Variants in EREG observed in about 807,000 individuals in gnomAD.
The protein encoded by EREG is epiregulin, also known as proepiregulin.
EREG carries 23 observed loss-of-function variants against 22.4 expected under a neutral mutation model. The observed-to-expected ratio is 1.03, with a 90% CI of 0.74 to 1.46. EREG has a LOEUF of 1.46. EREG is among the 40% of genes most tolerant of loss of function. The pLI is 0.00. For synonymous variants in EREG, 100 were observed against 75.4 expected (o/e 1.33, Z -1.69); for missense variants, 226 against 205.9 (o/e 1.10, Z -0.60).
intron 3 of EREG, 51 bp from the exon 4 acceptor site, chr4:74,382,594 T>G: frequency 1.0e-5 from 15 of 1,462,672 alleles, no homozygotes; most frequent in Non-Finnish European, 1.3e-5. Flanking sequence ...TTCATAACCA[T>G]GATTTCCTTT....
intron 3 of EREG, 184 bp downstream of exon 3, chr4:74,381,321 A>C: frequency 1.9e-6 from 1 of 516,344 alleles, no homozygotes; most frequent in Non-Finnish European, 3.4e-6. Context: ...ACCCCCCCAA[A>C]ACTCTTCTAC....
chr4:74,365,665 CTTTT>C (rs370338402), intron 1 of EREG, among the ~76,000 whole-genome samples: 2 of 139,120 alleles, frequency 1.4e-5, no homozygotes, highest in Admixed American at 7.2e-5. Flanking sequence ...GTTGAAAAAG[CTTTT>C]TTTTTTTTTT....
chr4:74,373,736 G>A (rs1449462053), intron 1 of EREG, among the ~76,000 whole-genome samples: 1 of 148,362 alleles, frequency 6.7e-6, no homozygotes, highest in Non-Finnish European at 1.5e-5. Context: ...ATATACGTGT[G>A]CGTATATATA....
intron 1 of EREG, among the ~76,000 whole-genome samples, chr4:74,375,306 CTTTTTTTTTTTTTTT>C (rs71219383): frequency 1.6e-5 from 1 of 61,014 alleles, no homozygotes; most frequent in African/African-American, 7.2e-5. Context: ...ACTAGCGATT[CTTTTTTTTTTTTTTT>C]TTTTTTTTTT....
At chr4:74,367,640 G>A (rs1228215085) in intron 1 of EREG, among the ~76,000 whole-genome samples, 2 of 152,120 alleles carry the variant, frequency 1.3e-5, no homozygotes, top group African/African-American at 4.8e-5. Flanking sequence ...TTGAAAATAT[G>A]AGGAGCATAA....
intron 1 of EREG, among the ~76,000 whole-genome samples, chr4:74,367,230 A>C (rs969452028): frequency 6.6e-6 from 1 of 152,180 alleles, no homozygotes; most frequent in Non-Finnish European, 1.5e-5. Flanking sequence ...TAAATTTTAC[A>C]CTTGTTTAAT....
intron 1 of EREG, among the ~76,000 whole-genome samples, chr4:74,368,698 A>G (rs1752241504): frequency 2.0e-5 from 3 of 152,224 alleles, no homozygotes; most frequent in African/African-American, 7.2e-5. Context: ...ATCCTCTTCA[A>G]AGAGAATGTA....
intron 1 of EREG, among the ~76,000 whole-genome samples, chr4:74,378,441 T>C (rs562230768): frequency 6.6e-6 from 1 of 152,282 alleles, no homozygotes; most frequent in South Asian, 2.1e-4. Context: ...ACGGTAGGTA[T>C]TATTCATTTC....
At chr4:74,371,285 A>C (rs1752285846) in intron 1 of EREG, among the ~76,000 whole-genome samples, 1 of 152,194 alleles carries the variant, frequency 6.6e-6, no homozygotes. Context: ...ATTAATTTTA[A>C]TGATAATCTG....
chr4:74,368,218 C>T (rs559704307), intron 1 of EREG, among the ~76,000 whole-genome samples: 2 of 152,186 alleles, frequency 1.3e-5, no homozygotes, highest in South Asian at 2.1e-4. Context: ...CTTTCTGACT[C>T]TGTGCAAAAT....
chr4:74,380,817 T>C (rs1049908611), intron 2 of EREG, among the ~76,000 whole-genome samples, 197 bp from the exon 3 acceptor site: 1 of 152,242 alleles, frequency 6.6e-6, no homozygotes, highest in African/African-American at 2.4e-5. Flanking sequence ...TTGGACATTT[T>C]CCTTTGGATT....
intron 4 of EREG, among the ~76,000 whole-genome samples, chr4:74,383,846 T>C (rs1752523014): frequency 6.6e-6 from 1 of 152,188 alleles, no homozygotes; most frequent in East Asian, 1.9e-4. Flanking sequence ...AACTGAAATA[T>C]GCCTGCAAAT....
chr4:74,370,395 TA>T (rs1752269719), intron 1 of EREG, among the ~76,000 whole-genome samples: 1 of 152,202 alleles, frequency 6.6e-6, no homozygotes, highest in Admixed American at 6.5e-5. Context: ...TTATCACCAC[TA>T]TGTTATAGAC....
Position 74,365,436 on chromosome 4 carries a change from T to C in EREG, c.67+61T>C, listed in dbSNP as rs1752160713. 2.7e-6 allele frequency: 4 copies of C among 1,482,688 alleles called. No homozygotes were observed. In the Admixed American group the frequency reaches 5.2e-5, roughly 19 times the overall value. The allele number at this position is 1,482,688 out of a possible 1,614,324, so 91.8% of individuals were successfully genotyped here. On this transcript the variant is annotated intron_variant, in intron 1 of 4. Coordinates refer to ENST00000244869, the MANE Select transcript of EREG (RefSeq NM_001432.3). ...AGAGGAGACAAATAAGGAAGGCTCC[T>C]GTGCATTTGTCATTCGACAAGTACG... is the stretch of plus-strand genomic sequence containing the variant.
chr4:74,381,230 T>A, intron 3 of EREG, 93 bp downstream of exon 3: 2 of 1,121,920 alleles, frequency 1.8e-6, no homozygotes, highest in South Asian at 1.5e-5. Context: ...ATATATTCAG[T>A]AGTGGTGAAG....
intron 2 of EREG, among the ~76,000 whole-genome samples, chr4:74,380,416 G>A (rs904526166): frequency 3.3e-5 from 5 of 152,016 alleles, no homozygotes; most frequent in African/African-American, 9.7e-5. Context: ...TTTCATTGCT[G>A]TTATTTGTCT....
intron 1 of EREG, among the ~76,000 whole-genome samples, chr4:74,375,465 C>A (rs894416449): frequency 2.0e-5 from 3 of 150,038 alleles, no homozygotes; most frequent in Non-Finnish European, 4.4e-5. Flanking sequence ...ACTACAGGCG[C>A]CCGCCACCAT....
chr4:74,377,114 A>C (rs1011565997), intron 1 of EREG, among the ~76,000 whole-genome samples: 1 of 151,302 alleles, frequency 6.6e-6, no homozygotes, highest in African/African-American at 2.4e-5. Flanking sequence ...AGAGGCTAGA[A>C]GTTGAGAGTC....
intron 1 of EREG, among the ~76,000 whole-genome samples, chr4:74,367,027 A>T (rs1025717180): frequency 2.6e-5 from 4 of 152,142 alleles, no homozygotes; most frequent in African/African-American, 7.2e-5. Flanking sequence ...CTTTCCCCCA[A>T]ACAAAATATT....
Sources: allele counts gnomAD v4.1 joint callset (sites outside exome capture counted in the v4.1 genomes callset), GRCh38; gene constraint gnomAD v4.1.1; transcripts MANE v1.5; gene names NCBI Gene and HGNC (gene_info 2026-07-23, HGNC 2026-07-21).